Variants in EYS observed in about 807,000 individuals in gnomAD.
EYS encodes protein eyes shut homolog.
In EYS, 250 loss-of-function variants were observed where a neutral mutation model predicts 282.1. That is an observed-to-expected ratio of 0.89 (90% CI 0.80 to 0.98). EYS has a LOEUF of 0.98. Ranked by LOEUF, EYS falls within the 50% of genes least tolerant of loss-of-function variation. EYS has a pLI of 0.00. For missense variants in EYS, 4,016 were observed against 3,709.0 expected, an observed-to-expected ratio of 1.08 and a Z score of -2.15; for synonymous variants, 1,355 against 1,282.9, an observed-to-expected ratio of 1.06 and a Z score of -1.20.
At chr6:64,453,304 G>C (rs1582773679) in intron 26 of EYS, among the ~76,000 whole-genome samples, 1 of 152,168 alleles carries the variant, frequency 6.6e-6, no homozygotes, top group African/African-American at 2.4e-5. Context: ...AAACCACAAT[G>C]AGATACCATC....
rs192773597 is a variant in EYS, at chr6:64,973,339, C to T, written c.2259+24243G>A. Among the ~76,000 whole-genome samples, 15 of 152,068 alleles carry T rather than the reference C, an allele frequency of 9.9e-5. No homozygotes were observed. The East Asian group carries it at 1.4e-3, about 14-fold the overall frequency. ...AAGCTATATCACATCATTACTCTTACGTCATAAGTAAGACATAGATGTCTT... is the reference window on the plus strand; with the variant it reads ...AAGCTATATCACATCATTACTCTTATGTCATAAGTAAGACATAGATGTCTT... On this transcript the variant is annotated intron_variant, in intron 14 of 42. Transcript: ENST00000503581.
At chr6:64,853,798 C>A (rs973289716) in intron 19 of EYS, among the ~76,000 whole-genome samples, 1 of 152,030 alleles carries the variant, frequency 6.6e-6, no homozygotes, top group African/African-American at 2.4e-5. Flanking sequence ...AAAAGAACAT[C>A]AGAGTGAACA....
intron 35 of EYS, among the ~76,000 whole-genome samples, chr6:63,942,141 C>T (rs1765263092): frequency 6.6e-6 from 1 of 152,112 alleles, no homozygotes; most frequent in South Asian, 2.1e-4. Context: ...ACACAGCACT[C>T]TATAGACAGG....
At chr6:65,316,503 T>C (rs888275143) in intron 11 of EYS, among the ~76,000 whole-genome samples, 8 of 150,454 alleles carry the variant, frequency 5.3e-5, no homozygotes, top group Admixed American at 4.7e-4. Context: ...TTTTATACTT[T>C]AAGTTCTGGG....
At chr6:64,209,705 G>T (rs983563015) in intron 31 of EYS, among the ~76,000 whole-genome samples, 2 of 151,994 alleles carry the variant, frequency 1.3e-5, no homozygotes, top group Non-Finnish European at 2.9e-5. Flanking sequence ...AACAGCTCTT[G>T]TTCTTAAATT....
At chr6:63,810,809 C>T (rs1224537794) in intron 36 of EYS, among the ~76,000 whole-genome samples, 1 of 152,128 alleles carries the variant, frequency 6.6e-6, no homozygotes, top group African/African-American at 2.4e-5. Flanking sequence ...CTATTTAATG[C>T]TTCCTCTCTC....
intron 24 of EYS, among the ~76,000 whole-genome samples, chr6:64,604,576 G>A (rs1582945433): frequency 2.6e-5 from 4 of 152,110 alleles, no homozygotes; most frequent in Non-Finnish European, 5.9e-5. Context: ...ATAATTGGTA[G>A]TGAAAACTTT....
At chr6:65,090,901 G>T (rs961005027) in intron 12 of EYS, among the ~76,000 whole-genome samples, 1 of 151,964 alleles carries the variant, frequency 6.6e-6, no homozygotes, top group African/African-American at 2.4e-5. Flanking sequence ...GTCTGAGAAT[G>T]CAATGCTCTA....
intron 35 of EYS, among the ~76,000 whole-genome samples, chr6:63,928,152 A>C (rs1197978650): frequency 6.6e-6 from 1 of 152,226 alleles, no homozygotes; most frequent in African/African-American, 2.4e-5. Flanking sequence ...TGCTTTGAAC[A>C]TTTAAAGTGC....
intron 33 of EYS, among the ~76,000 whole-genome samples, chr6:64,065,611 A>C (rs941730942): frequency 6.6e-6 from 1 of 152,154 alleles, no homozygotes; most frequent in East Asian, 1.9e-4. Flanking sequence ...TTTTCTACTG[A>C]GTTTTCTTTT....
In EYS at chr6:64,266,562, A is replaced by G. The variant is rs535223658; in HGVS notation, c.6192-35738T>C. On this transcript the variant is annotated intron_variant, in intron 30 of 42. Coordinates refer to ENST00000503581, the MANE Select transcript of EYS (RefSeq NM_001142800.2). ...CTGATGCTGATTTAAGACCTTATATACCAATTTTGGTTTAACAACAACAAC... is the reference window on the plus strand; with the variant it reads ...CTGATGCTGATTTAAGACCTTATATGCCAATTTTGGTTTAACAACAACAAC... Among the ~76,000 whole-genome samples the G allele has an allele frequency of 1.3e-3, 197 of 152,244 alleles. 1 individual carries two copies. The highest frequency in any genetic ancestry group is 4.5e-3 in the African/African-American group (188 of 41,550).
At chr6:64,466,661 A>C (rs1775930316) in intron 26 of EYS, among the ~76,000 whole-genome samples, 1 of 152,148 alleles carries the variant, frequency 6.6e-6, no homozygotes. Flanking sequence ...TTAGTTAAAG[A>C]TATCTATTGT....
At chr6:64,926,411 G>A (rs553455452) in intron 15 of EYS, among the ~76,000 whole-genome samples, 1 of 152,296 alleles carries the variant, frequency 6.6e-6, no homozygotes, top group East Asian at 1.9e-4. Flanking sequence ...AGTTCTAGGA[G>A]AGCATGCAGG....
intron 12 of EYS, among the ~76,000 whole-genome samples, chr6:65,232,633 A>G (rs1221141766): frequency 1.3e-5 from 2 of 152,102 alleles, no homozygotes; most frequent in African/African-American, 4.8e-5. Context: ...ATTTGTCACA[A>G]TTAATGAAAA....
intron 21 of EYS, chr6:64,815,360 C>A: frequency 3.6e-6 from 1 of 275,196 alleles, no homozygotes; most frequent in South Asian, 3.0e-5. Flanking sequence ...AACTCTGTTT[C>A]TAGATATGTA....
At chr6:64,703,430 T>TA (rs1491104462) in intron 22 of EYS, among the ~76,000 whole-genome samples, 1,279 of 12,028 alleles carry the variant, frequency 0.11, 41 homozygotes, top group East Asian at 0.21. Flanking sequence ...TATATATATA[T>TA]TTTTTTTTTT....
chr6:65,591,191 T>C (rs1765218822), intron 2 of EYS, among the ~76,000 whole-genome samples: 1 of 151,996 alleles, frequency 6.6e-6, no homozygotes, highest in African/African-American at 2.4e-5. Flanking sequence ...GGTGAGATGG[T>C]ATTTTACAGT....
intron 26 of EYS, among the ~76,000 whole-genome samples, chr6:64,563,573 A>T (rs1765471833): frequency 6.6e-6 from 1 of 152,156 alleles, no homozygotes; most frequent in Non-Finnish European, 1.5e-5. Flanking sequence ...GTCTAAAAAT[A>T]CTTGTCAAAT....
At chr6:65,276,416 A>T (rs1335833750) in intron 12 of EYS, among the ~76,000 whole-genome samples, 2 of 152,042 alleles carry the variant, frequency 1.3e-5, no homozygotes, top group Non-Finnish European at 2.9e-5. Context: ...CAGAAAAGAA[A>T]AAAAAAAAGA....
Sources: allele counts gnomAD v4.1 joint callset (sites outside exome capture counted in the v4.1 genomes callset), GRCh38; gene constraint gnomAD v4.1.1; transcripts MANE v1.5; gene names NCBI Gene and HGNC (gene_info 2026-07-23, HGNC 2026-07-21).